Variants in RERE observed in about 807,000 individuals in gnomAD.
The protein encoded by RERE is arginine-glutamic acid dipeptide repeats protein.
RERE carries 40 observed loss-of-function variants against 146.1 expected under a neutral mutation model. The observed-to-expected ratio is 0.27, with a 90% CI of 0.21 to 0.36. The LOEUF is 0.36. Among genes scored for constraint, RERE ranks in the 10% least tolerant of loss-of-function variants. The probability of loss-of-function intolerance (pLI) is 1.00; values close to 1 mark genes in which losing one functional copy is unlikely to be tolerated. For synonymous variants in RERE, 1,003 were observed against 866.0 expected, an observed-to-expected ratio of 1.16 and a Z score of -2.78; for missense variants, 1,933 against 2,138.7, an observed-to-expected ratio of 0.90 and a Z score of 1.90.
intron 1 of RERE, chr1:8,753,444 T>G (rs900714803): frequency 6.6e-6 from 1 of 152,232 alleles, no homozygotes; most frequent in African/African-American, 2.4e-5. Flanking sequence ...TTTTGACATT[T>G]CAGTGTGAGT....
intron 4 of RERE, among the ~76,000 whole-genome samples, chr1:8,558,218 T>C (rs1023051065): frequency 6.6e-6 from 1 of 152,258 alleles, no homozygotes; most frequent in Admixed American, 6.5e-5. Context: ...TAAATGATCC[T>C]GTAAATGTTT....
intron 4 of RERE, among the ~76,000 whole-genome samples, chr1:8,601,482 T>C (rs1646624875): frequency 6.6e-6 from 1 of 152,136 alleles, no homozygotes; most frequent in South Asian, 2.1e-4. Flanking sequence ...TGGGTGTCAC[T>C]GTGGTGACAA....
At chr1:8,606,936 AATTT>A (rs540576952) in intron 4 of RERE, among the ~76,000 whole-genome samples, 93 of 152,328 alleles carry the variant, frequency 6.1e-4, no homozygotes, top group African/African-American at 2.2e-3. Flanking sequence ...CAGGCATAAT[AATTT>A]ATATAGACTC....
chr1:8,399,945 C>T (rs1643192775), intron 12 of RERE, among the ~76,000 whole-genome samples: 1 of 151,624 alleles, frequency 6.6e-6, no homozygotes, highest in Admixed American at 6.6e-5. Flanking sequence ...TCAGGTGGGA[C>T]TCCAACTCCT....
intron 1 of RERE, among the ~76,000 whole-genome samples, chr1:8,658,539 C>T (rs776286663): frequency 6.6e-6 from 1 of 152,034 alleles, no homozygotes; most frequent in Non-Finnish European, 1.5e-5. Flanking sequence ...GGGCAGATCA[C>T]GAGGTCAGGA....
intron 12 of RERE, among the ~76,000 whole-genome samples, chr1:8,418,518 G>A (rs533733306): frequency 6.6e-6 from 1 of 152,118 alleles, no homozygotes; most frequent in African/African-American, 2.4e-5. Flanking sequence ...CCTGGACTAC[G>A]ACCCAGTGCC....
At chr1:8,766,786 A>G (rs963197248) in intron 1 of RERE, among the ~76,000 whole-genome samples, 1 of 152,190 alleles carries the variant, frequency 6.6e-6, no homozygotes, top group African/African-American at 2.4e-5. Flanking sequence ...AATTCACAAT[A>G]TTGTGAAATT....
chr1:8,458,305 T>A (rs1480923711), intron 11 of RERE, among the ~76,000 whole-genome samples: 1 of 152,114 alleles, frequency 6.6e-6, no homozygotes, highest in Non-Finnish European at 1.5e-5. Context: ...CTCCATTTTT[T>A]TACATGCCCT....
intron 11 of RERE, among the ~76,000 whole-genome samples, chr1:8,458,903 T>G (rs1337593799): frequency 6.6e-6 from 1 of 152,244 alleles, no homozygotes; most frequent in Non-Finnish European, 1.5e-5. Context: ...ATCTCTTCCC[T>G]TCTAATAAAA....
intron 11 of RERE, among the ~76,000 whole-genome samples, chr1:8,455,256 T>C (rs1644440732): frequency 6.6e-6 from 1 of 152,102 alleles, no homozygotes; most frequent in South Asian, 2.1e-4. Flanking sequence ...TTTTTTATTT[T>C]TTAGAGACAG....
intron 1 of RERE, among the ~76,000 whole-genome samples, chr1:8,680,941 A>G (rs1570601645): frequency 6.6e-6 from 1 of 152,292 alleles, no homozygotes; most frequent in East Asian, 1.9e-4. Flanking sequence ...ATACTTGCAA[A>G]AATAAAAATT....
intron 1 of RERE, chr1:8,751,139 G>C (rs938241751): frequency 8.5e-6 from 3 of 353,566 alleles, no homozygotes; most frequent in Non-Finnish European, 1.0e-5. Context: ...TGAAACATCT[G>C]AGCACACTTC....
chr1:8,536,276 G>A (rs55860300), intron 7 of RERE, among the ~76,000 whole-genome samples: 26,627 of 151,988 alleles, frequency 0.18, 2,544 homozygotes, highest in Middle Eastern at 0.29. Flanking sequence ...TCCAGAAAGT[G>A]CATGCTTTAC....
chr1:8,776,192 T>G (rs952331187), intron 1 of RERE, among the ~76,000 whole-genome samples: 2 of 152,218 alleles, frequency 1.3e-5, no homozygotes, highest in African/African-American at 2.4e-5. Context: ...ACAAACCATT[T>G]CTTATATAAA....
At chr1:8,474,859 G>A (rs1644733042) in intron 10 of RERE, among the ~76,000 whole-genome samples, 1 of 152,088 alleles carries the variant, frequency 6.6e-6, no homozygotes, top group African/African-American at 2.4e-5. Context: ...CTGCATTCAG[G>A]CTAATTAAAT....
rs1038237706 is a variant in RERE at position 8,607,911 on chromosome 1, A to G, written c.522+6650T>C. Among the ~76,000 whole-genome samples, 11 of 152,006 alleles carry G rather than the reference A, an allele frequency of 7.2e-5. 1 individual carries two copies. The highest frequency in any genetic ancestry group is 1.5e-4 in the Non-Finnish European group (10 of 67,996). ...TGGCTAATTTTTGTATTTTTAGTAG[A>G]GACAAGGTTTTGCCATGTTGGCCAG... On this transcript the variant is annotated intron_variant, in intron 4 of 22. Transcript: ENST00000400908.
intron 1 of RERE, among the ~76,000 whole-genome samples, chr1:8,678,765 T>G (rs1239999480): frequency 6.6e-6 from 1 of 152,196 alleles, no homozygotes; most frequent in Non-Finnish European, 1.5e-5. Flanking sequence ...AGTCTTTACA[T>G]TCCCCTTTCC....
chr1:8,756,752 T>C (rs1640646510), intron 1 of RERE, among the ~76,000 whole-genome samples: 1 of 152,192 alleles, frequency 6.6e-6, no homozygotes, highest in South Asian at 2.1e-4. Context: ...CTGAATCTTG[T>C]TAGTTTCAGT....
At chr1:8,552,193 T>C (rs1645943810) in intron 6 of RERE, among the ~76,000 whole-genome samples, 1 of 152,188 alleles carries the variant, frequency 6.6e-6, no homozygotes. Context: ...GGCATTTTGT[T>C]TTCCTTTTGA....
Sources: allele counts gnomAD v4.1 joint callset (sites outside exome capture counted in the v4.1 genomes callset), GRCh38; gene constraint gnomAD v4.1.1; transcripts MANE v1.5; gene names NCBI Gene and HGNC (gene_info 2026-07-23, HGNC 2026-07-21).